ERO1B: variants seen among roughly 807,000 people sequenced by gnomAD.
ERO1B encodes endoplasmic reticulum oxidoreductase 1 beta.
A neutral mutation model predicts 75.3 loss-of-function variants in ERO1B; 49 were observed. That is an observed-to-expected ratio of 0.65 (90% CI 0.52 to 0.83). The LOEUF (loss-of-function observed/expected upper bound fraction) is 0.83, where lower values mean the gene tolerates loss of function less well. Ranked by LOEUF, ERO1B falls within the 40% of genes least tolerant of loss-of-function variation. ERO1B has a pLI of 0.00. For synonymous variants in ERO1B, 191 were observed against 192.9 expected, an observed-to-expected ratio of 0.99 and a Z score of 0.08; for missense variants, 512 against 560.1, an observed-to-expected ratio of 0.91 and a Z score of 0.87.
intron 8 of ERO1B, among the ~76,000 whole-genome samples, chr1:236,233,120 G>T (rs1383184418): frequency 6.6e-6 from 1 of 151,784 alleles, no homozygotes; most frequent in Non-Finnish European, 1.5e-5. Flanking sequence ...GACCAGCCTG[G>T]CCAACATGTG....
At position 236,243,274 on chromosome 1, in the gene ERO1B, C is replaced by G; in HGVS notation, c.505+148G>C. On this transcript the variant is annotated intron_variant, in intron 6 of 15. Transcript: ENST00000354619. ...CTTAACATAGGGCCTGGAACACAGGCTCTCAATAAATGCCATTATGAATAA... is the reference window on the plus strand; with the variant it reads ...CTTAACATAGGGCCTGGAACACAGGGTCTCAATAAATGCCATTATGAATAA... The G allele has an allele frequency of 5.9e-6, 3 of 505,880 alleles. No homozygotes were observed. In the Admixed American group the frequency reaches 1.1e-4, roughly 19 times the overall value. 31.3% of individuals were successfully genotyped at this position (505,880 alleles called of 1,614,324 possible).
At chr1:236,270,984 T>C (rs531451457) in intron 1 of ERO1B, among the ~76,000 whole-genome samples, 2 of 152,328 alleles carry the variant, frequency 1.3e-5, no homozygotes, top group African/African-American at 2.4e-5. Context: ...CATGAACCTA[T>C]GTATGTGATA....
chr1:236,260,244 A>G (rs1665264220), intron 2 of ERO1B, among the ~76,000 whole-genome samples: 1 of 152,258 alleles, frequency 6.6e-6, no homozygotes, highest in Non-Finnish European at 1.5e-5. Context: ...TGGATAACCT[A>G]GAAGAAATGA....
Position 236,269,877 on chromosome 1 carries a change from T to C in ERO1B, c.220A>G (p.Lys74Glu). 1 of 1,584,984 alleles carries C rather than the reference T, an allele frequency of 6.3e-7. No homozygotes were observed. Among genetic ancestry groups the C allele is most frequent in the South Asian group, 1.1e-5 (1 of 90,280 alleles). ...LQERDYFRYY[K>E]VNLKRPCPFW... ...AGAATAAAAAATTACAACCTTACCT[T>C]GTAATAACGAAAATAGTCTCTCTCT... Residue 74 changes from lysine to glutamate, a missense_variant and splice_region_variant, in exon 2 of 16, where the codon AAG becomes GAG. Transcript: ENST00000354619.
intron 2 of ERO1B, among the ~76,000 whole-genome samples, chr1:236,256,239 G>A (rs1175201299): frequency 1.3e-5 from 2 of 152,126 alleles, no homozygotes; most frequent in African/African-American, 4.8e-5. Context: ...TCATTAGAAG[G>A]AGGCAAGGGG....
rs1366862444 is a variant in ERO1B, at chr1:236,281,742, T to A, written c.42A>T (p.Val14=). 6.6e-7 allele frequency: 1 copy of A among 1,515,436 alleles called. No homozygotes were observed. Among genetic ancestry groups the A allele is most frequent in the Non-Finnish European group, 8.8e-7 (1 of 1,135,026 alleles). The allele number at this position is 1,515,436 out of a possible 1,614,324, so 93.9% of individuals were successfully genotyped here. Residue 14 remains valine, a synonymous_variant, in exon 1 of 16, where the codon GTA becomes GTT. Coordinates refer to ENST00000354619, the MANE Select transcript of ERO1B (RefSeq NM_019891.4). The stretch of plus-strand genomic sequence containing the variant: ...TGACCAGCAGCTGCACCGCGGCCGC[T>A]ACCCCCTGCCCAGCGCCTGCCCGGC... ...GVRRAGAGQG[V]AAAVQLLVTL...
rs1213044980 is a variant in ERO1B at position 236,236,261 on chromosome 1, C to T, written c.626+17G>A. On this transcript the variant is annotated intron_variant, in intron 7 of 15. Coordinates refer to ENST00000354619, the MANE Select transcript of ERO1B (RefSeq NM_019891.4). ...CCTCTATCAGTCGTTCCTTCTTCCC[C>T]CACCCCCTCCAGTTACTTGAAACAG... 12 of 1,613,332 alleles carry T rather than the reference C, an allele frequency of 7.4e-6. No homozygotes were observed. Among genetic ancestry groups the T allele is most frequent in the Non-Finnish European group, 1.0e-5 (12 of 1,179,664 alleles).
intron 3 of ERO1B, among the ~76,000 whole-genome samples, chr1:236,253,051 T>C (rs764463903): frequency 3.3e-5 from 5 of 151,988 alleles, no homozygotes; most frequent in Admixed American, 6.6e-5. Flanking sequence ...ATTTGAAATA[T>C]AGGGTCCAGT....
chr1:236,275,684 C>T (rs978218560), intron 1 of ERO1B, among the ~76,000 whole-genome samples: 3 of 152,160 alleles, frequency 2.0e-5, no homozygotes, highest in African/African-American at 7.2e-5. Context: ...AATCCTGAGG[C>T]TATCTATGTA....
At chr1:236,242,047 G>A (rs1236439525) in intron 6 of ERO1B, among the ~76,000 whole-genome samples, 16 of 143,950 alleles carry the variant, frequency 1.1e-4, no homozygotes, top group South Asian at 4.6e-4. Context: ...CAGCCTGGGC[G>A]ACACAGCGAG....
chr1:236,218,649 C>T (rs1256665903), intron 15 of ERO1B, 73 bp from the exon 16 acceptor site: 2 of 1,094,228 alleles, frequency 1.8e-6, no homozygotes, highest in Non-Finnish European at 2.3e-6. Context: ...GATATTGTTA[C>T]ATAAGCTATA....
intron 5 of ERO1B, 64 bp from the exon 6 acceptor site, chr1:236,243,559 A>T: frequency 9.9e-7 from 1 of 1,005,978 alleles, no homozygotes; most frequent in Non-Finnish European, 1.5e-6. Context: ...TTAATACTGT[A>T]TTCTAGTGTA....
In ERO1B at chr1:236,217,656, G is replaced by T. The variant is rs1664026853; in HGVS notation, c.*860C>A. On this transcript the variant is annotated 3_prime_UTR_variant, in exon 16 of 16. Transcript: ENST00000354619. ...TTTAAATTTTATCAAGAAGTAATCTGTTAAATATTTCTGCAGTGTTTTCTT... is the reference window on the plus strand; with the variant it reads ...TTTAAATTTTATCAAGAAGTAATCTTTTAAATATTTCTGCAGTGTTTTCTT... 6.6e-6 allele frequency: 1 copy of T among 152,552 alleles called. No homozygotes were observed. The highest frequency in any genetic ancestry group is 2.4e-5 in the African/African-American group (1 of 41,448). 9.4% of individuals were successfully genotyped at this position (152,552 alleles called of 1,614,324 possible).
chr1:236,251,985 T>A, intron 4 of ERO1B, 65 bp downstream of exon 4: 1 of 1,184,620 alleles, frequency 8.4e-7, no homozygotes, highest in Non-Finnish European at 1.2e-6. Context: ...ACAGCCACTG[T>A]CAGTCAGTAA....
intron 5 of ERO1B, among the ~76,000 whole-genome samples, chr1:236,247,871 C>T (rs1332017677): frequency 1.3e-5 from 2 of 151,932 alleles, no homozygotes; most frequent in African/African-American, 4.9e-5. Flanking sequence ...CCCCAGCCAA[C>T]CATAGTAAGA....
chr1:236,268,343 G>A (rs1184420831), intron 2 of ERO1B, among the ~76,000 whole-genome samples: 7 of 152,174 alleles, frequency 4.6e-5, no homozygotes, highest in Non-Finnish European at 7.4e-5. Flanking sequence ...GGGAGGCTGA[G>A]GCAGAAGAAT....
intron 3 of ERO1B, 97 bp from the exon 4 acceptor site, chr1:236,252,188 G>A (rs1023449722): frequency 1.3e-6 from 1 of 762,908 alleles, no homozygotes; most frequent in African/African-American, 1.8e-5. Flanking sequence ...ATTTCATCAA[G>A]CATTTTACTC....
At chr1:236,279,647 G>A (rs1382970766) in intron 1 of ERO1B, among the ~76,000 whole-genome samples, 3 of 146,034 alleles carry the variant, frequency 2.1e-5, no homozygotes, top group Non-Finnish European at 4.5e-5. Context: ...CGGCCAACAT[G>A]GCAAAACCCT....
chr1:236,224,248 A>G (rs186105093), intron 13 of ERO1B, among the ~76,000 whole-genome samples: 2 of 152,206 alleles, frequency 1.3e-5, no homozygotes, highest in African/African-American at 2.4e-5. Context: ...TGCACTAAAC[A>G]TAAGAAAATG....
Sources: allele counts gnomAD v4.1 joint callset (sites outside exome capture counted in the v4.1 genomes callset), GRCh38; gene constraint gnomAD v4.1.1; transcripts MANE v1.5; gene names NCBI Gene and HGNC (gene_info 2026-07-23, HGNC 2026-07-21).